The following C2 variants were observed in gnomAD, a reference collection of about 807,000 sequenced individuals.
C2 encodes the protein C3/C5 convertase.
In C2, 64 loss-of-function variants were observed where a neutral mutation model predicts 85.2. The observed-to-expected ratio is 0.75, with a 90% CI of 0.61 to 0.92. The LOEUF (loss-of-function observed/expected upper bound fraction) is 0.92, where lower values mean the gene tolerates loss of function less well. Ranked by LOEUF, C2 falls within the 40% of genes least tolerant of loss-of-function variation. The pLI is 0.00. For synonymous variants in C2, 311 were observed against 370.8 expected (o/e 0.84, Z 1.85); for missense variants, 820 against 971.6 (o/e 0.84, Z 2.07).
At chr6:31,914,628 A>G (rs1319665596) in intron 1 of C2, among the ~76,000 whole-genome samples, 1 of 147,482 alleles carries the variant, frequency 6.8e-6, no homozygotes, top group Non-Finnish European at 1.5e-5. Flanking sequence ...TGAACAAGCA[A>G]TCGGCCGGGC....
In C2 at chr6:31,932,103, T is replaced by TGGCC. The variant is rs1405061656; in HGVS notation, c.443-1504_443-1501dup. On this transcript the variant is annotated intron_variant, in intron 3 of 17. Transcript: ENST00000299367. Reference sequence around the variant, plus strand: ...CCCCTCACTTCCCGGATGGGGCGGCTGGCCGGGCGAGGGGCTGACCCCCCC... The same window carrying TGGCC: ...CCCCTCACTTCCCGGATGGGGCGGCTGGCCGGCCGGGCGAGGGGCTGACCCCCCC... 1.2e-3 allele frequency among the ~76,000 whole-genome samples: 152 copies of TGGCC among 122,960 alleles called. 1 individual carries two copies. The highest frequency in any genetic ancestry group is 2.1e-3 in the Non-Finnish European group (124 of 58,342). The allele number at this position is 122,960 out of a possible 152,430, so 80.7% of individuals were successfully genotyped here. A position where few individuals can be genotyped will look rare whatever the true frequency, so the allele number is the denominator to read the frequency against.
Position 31,909,404 on chromosome 6 carries a change from G to A in C2, c.73+8265G>A, listed in dbSNP as rs527920229. On this transcript the variant is annotated intron_variant, in intron 1 of 3. Coordinates refer to the C2 transcript ENST00000452202. Reference sequence around the variant, plus strand: ...CTCCACCTCCCAGGCTTAGCCTCCCGCCTTAGCCTCCCGAGTAGCTAGGAC... The same window carrying A: ...CTCCACCTCCCAGGCTTAGCCTCCCACCTTAGCCTCCCGAGTAGCTAGGAC... 5.1e-4 allele frequency among the ~76,000 whole-genome samples: 77 copies of A among 151,480 alleles called. 1 individual carries two copies. The highest frequency in any genetic ancestry group is 3.4e-3 in the Middle Eastern group (1 of 292).
chr6:31,904,323 A>T lies in C2; in HGVS notation c.73+3184A>T, dbSNP rs780135558. On this transcript the variant is annotated intron_variant, in intron 1 of 3. Coordinates refer to the C2 transcript ENST00000452202. The surrounding 1 kb of genome is among the most constrained non-coding windows in gnomAD (Gnocchi z 4.4). ...TTTATTTTATTTTAATTAATTAATT[A>T]ATTTATTTAGCTGGAGTTTTGCTCT... Among the ~76,000 whole-genome samples the T allele has an allele frequency of 4.1e-4, 63 of 151,982 alleles. No homozygotes were observed. Among genetic ancestry groups the T allele is most frequent in the African/African-American group, 6.8e-4 (28 of 41,412 alleles).
chr6:31,906,044 G>A (rs1378089540), intron 1 of C2, among the ~76,000 whole-genome samples: 1 of 152,004 alleles, frequency 6.6e-6, no homozygotes, highest in Non-Finnish European at 1.5e-5. Context: ...CAATCTATAG[G>A]AAAGGAAGAG....
chr6:31,901,368 C>T (rs1198728361), intron 1 of C2: 4 of 1,511,464 alleles, frequency 2.6e-6, no homozygotes, highest in East Asian at 2.3e-5. Flanking sequence ...GTCTCTGGCT[C>T]TCCGAAGCCA....
At position 31,928,908 on chromosome 6, in the gene C2, G is replaced by A; in HGVS notation, c.433G>A (p.Asp145Asn). Residue 145 changes from aspartate to asparagine, a missense_variant, in exon 3 of 18, where the codon GAT (aspartate) becomes AAT (asparagine). By Grantham distance (23) the Asp-to-Asn change is conservative. Transcript: ENST00000299367. ...GMWDGETAVC[D>N]NGAGHCPNPG... ...GTGGGATGGAGAAACAGCTGTGTGT[G>A]ATAATGGGGGTGAGTTCTCTGGCTG... 6.2e-7 allele frequency: 1 copy of A among 1,612,348 alleles called. No individual in the cohort carries two copies. The highest frequency in any genetic ancestry group is 1.7e-5 in the Admixed American group (1 of 59,984).
upstream of C2, among the ~76,000 whole-genome samples, chr6:31,922,774 G>A (rs1282472353): frequency 1.3e-5 from 2 of 152,160 alleles, no homozygotes; most frequent in African/African-American, 4.8e-5. The surrounding 1 kb of genome is among the most constrained non-coding windows in gnomAD (Gnocchi z 4.8). Context: ...CCCAGGAGGT[G>A]GAGGTTGCAG....
At chr6:31,938,802 T>C (rs1397619567) in intron 8 of C2, among the ~76,000 whole-genome samples, 1 of 152,168 alleles carries the variant, frequency 6.6e-6, no homozygotes, top group Non-Finnish European at 1.5e-5. Flanking sequence ...TACAGGCATG[T>C]GCCACCACAC....
chr6:31,922,532 A>G lies in C2; in HGVS notation c.-100+2506A>G, dbSNP rs2151732683. On this transcript the variant is annotated intron_variant, in intron 1 of 3. Transcript: ENST00000413154. The surrounding 1 kb of genome is among the most constrained non-coding windows in gnomAD (Gnocchi z 4.8). ...CATCCTGAGAGGCCATCAGAGCATCATTTCTGATTTTTAAACTCTGATTAG... is the reference window on the plus strand; with the variant it reads ...CATCCTGAGAGGCCATCAGAGCATCGTTTCTGATTTTTAAACTCTGATTAG... Among the ~76,000 whole-genome samples, 1 of 152,248 alleles carries G rather than the reference A, an allele frequency of 6.6e-6. No individual in the cohort carries two copies. The highest frequency in any genetic ancestry group is 2.1e-4 in the South Asian group (1 of 4,826).
upstream of C2, among the ~76,000 whole-genome samples, chr6:31,924,365 G>T (rs1769149930): frequency 6.6e-6 from 1 of 152,182 alleles, no homozygotes; most frequent in South Asian, 2.1e-4. Flanking sequence ...GGATTGGAGA[G>T]CAGGGCCTCT....
At chr6:31,902,362 C>T (rs1027650008) in intron 1 of C2, among the ~76,000 whole-genome samples, 2 of 151,972 alleles carry the variant, frequency 1.3e-5, no homozygotes, top group African/African-American at 4.8e-5. Context: ...TGGCGCTACT[C>T]GCTCCGCGTC....
chr6:31,942,931 G>T (rs374798709), intron 9 of C2, 28 bp from the exon 10 acceptor site: 3 of 1,612,864 alleles, frequency 1.9e-6, no homozygotes, highest in Non-Finnish European at 2.5e-6. Flanking sequence ...AGCCACAGGA[G>T]TCTGGTGATT....
chr6:31,901,347 C>G (rs1767246886), intron 1 of C2: 1 of 1,572,942 alleles, frequency 6.4e-7, no homozygotes, highest in Non-Finnish European at 8.6e-7. Flanking sequence ...GGAAACCGGT[C>G]AGAGACAAAG....
At chr6:31,939,393 A>C in intron 9 of C2, 73 bp downstream of exon 9, 1 of 1,140,408 alleles carries the variant, frequency 8.8e-7, no homozygotes, top group South Asian at 1.2e-5. Context: ...CAGGGATCCC[A>C]GCATCTTAGC....
upstream of C2, among the ~76,000 whole-genome samples, chr6:31,926,343 T>G (rs1389278706): frequency 6.6e-6 from 1 of 151,710 alleles, no homozygotes; most frequent in African/African-American, 2.4e-5. Context: ...CTCTTTTTTT[T>G]TTTTTTGAGA....
At chr6:31,913,829 A>C (rs1768295616) in intron 1 of C2, among the ~76,000 whole-genome samples, 1 of 151,912 alleles carries the variant, frequency 6.6e-6, no homozygotes, top group African/African-American at 2.4e-5. Flanking sequence ...TAGTAGAGAC[A>C]GGATTTCACT....
chr6:31,912,700 G>A (rs990588043), intron 1 of C2, among the ~76,000 whole-genome samples: 1 of 151,834 alleles, frequency 6.6e-6, no homozygotes, highest in African/African-American at 2.4e-5. Context: ...AATTAACCAG[G>A]GTGATGGTGT....
chr6:31,928,652 C>A, intron 2 of C2, 80 bp from the exon 3 acceptor site: 1 of 1,394,366 alleles, frequency 7.2e-7, no homozygotes, highest in Non-Finnish European at 1.0e-6. Context: ...TGCATTCCAG[C>A]ATAAAATCAC....
Position 31,928,749 on chromosome 6 carries a change from C to A in C2, c.274C>A (p.Pro92Thr). ...CTCTCCAGCTGTGCGCTGTCCAGCC[C>A]CTGTCTCCTTTGAGAATGGCATTTA... ...AVCKPVRCPA[P>T]VSFENGIYTP... Residue 92 changes from proline (P) to threonine (T), a missense_variant, in exon 3 of 18, where the codon CCT becomes ACT. By Grantham distance (38) the Pro-to-Thr change is conservative. Transcript: ENST00000299367. The A allele has an allele frequency of 6.2e-7, 1 of 1,614,250 alleles. No individual in the cohort carries two copies. The highest frequency in any genetic ancestry group is 8.5e-7 in the Non-Finnish European group (1 of 1,180,048).
Sources: gnomAD v4.1 joint callset for allele counts (sites outside exome capture counted in the v4.1 genomes callset) on GRCh38, gnomAD v4.1.1 for gene constraint, Gnocchi (gnomAD v3.1) non-coding constraint, MANE v1.5 for transcripts, NCBI Gene and HGNC (gene_info 2026-07-23, HGNC 2026-07-21) for gene names.